The following VIRMA variants were observed in gnomAD, a reference collection of about 807,000 sequenced individuals.
The protein encoded by VIRMA is protein virilizer homolog.
In VIRMA, 65 loss-of-function variants were observed where a neutral mutation model predicts 182.4. That is an observed-to-expected ratio of 0.36 (90% CI 0.29 to 0.44). The LOEUF (loss-of-function observed/expected upper bound fraction) is 0.44, where lower values mean the gene tolerates loss of function less well. Ranked by LOEUF, VIRMA falls within the 20% of genes least tolerant of loss-of-function variation. The probability of loss-of-function intolerance (pLI) is 1.00; values close to 1 mark genes in which losing one functional copy is unlikely to be tolerated. For synonymous variants in VIRMA, 709 were observed against 743.1 expected, an observed-to-expected ratio of 0.95 and a Z score of 0.75; for missense variants, 1,752 against 2,158.1, an observed-to-expected ratio of 0.81 and a Z score of 3.73.
In VIRMA at chr8:94,488,518, C is replaced by T. The variant is rs1586055851; in HGVS notation, c.*188G>A. 7 of 493,524 alleles carry T rather than the reference C, an allele frequency of 1.4e-5. No individual in the cohort carries two copies. The highest frequency in any genetic ancestry group is 1.9e-5 in the African/African-American group (1 of 52,168). 30.6% of individuals were successfully genotyped at this position (493,524 alleles called of 1,614,324 possible). On this transcript the variant is annotated 3_prime_UTR_variant, in exon 24 of 24. Transcript: ENST00000297591. ...ACAAAAAAGGGAAAATATATACAAA[C>T]GTACATACAAAGTTTGGATTTTTAT... is the stretch of plus-strand genomic sequence containing the variant.
chr8:94,515,825 T>A (rs1814540774), intron 10 of VIRMA, among the ~76,000 whole-genome samples: 1 of 151,810 alleles, frequency 6.6e-6, no homozygotes, highest in South Asian at 2.1e-4. Context: ...GGGCTGGGCG[T>A]GGTGACTCAC....
rs1814983643 is a variant in VIRMA at position 94,526,718 on chromosome 8, C to T, written c.1526G>A (p.Ser509Asn). Reference sequence around the variant, plus strand: ...CATTCCTTCTGTCATACTAATGACACTGTCCAAAGCTTTAAAAGCATTTAA... The same window carrying T: ...CATTCCTTCTGTCATACTAATGACATTGTCCAAAGCTTTAAAAGCATTTAA... ...LKLNAFKALD[S>N]VISMTEGMEA... Residue 509 changes from serine (S) to asparagine (N), a missense_variant, in exon 8 of 24, where the codon AGT becomes AAT. Transcript: ENST00000297591. The T allele has an allele frequency of 6.2e-7, 1 of 1,613,822 alleles. No individual in the cohort carries two copies. Among genetic ancestry groups the T allele is most frequent in the Non-Finnish European group, 8.5e-7 (1 of 1,179,996 alleles).
chr8:94,497,224 C>T (rs551615803), intron 17 of VIRMA: 4 of 152,250 alleles, frequency 2.6e-5, no homozygotes, highest in African/African-American at 9.6e-5. Context: ...TCTCATCCTC[C>T]CAAGTACCTG....
intron 5 of VIRMA, chr8:94,534,248 TTA>T (rs1228482791): frequency 6.6e-6 from 1 of 152,166 alleles, no homozygotes; most frequent in Non-Finnish European, 1.5e-5. Flanking sequence ...AAAATGTCAT[TTA>T]TATAAGTATT....
chr8:94,527,165 T>A lies in VIRMA; in HGVS notation c.1079A>T (p.Glu360Val). 1.2e-6 allele frequency: 2 copies of A among 1,614,108 alleles called. No individual in the cohort carries two copies. The highest frequency in any genetic ancestry group is 1.7e-6 in the Non-Finnish European group (2 of 1,180,000). ...ATCCTTCATTCTACTGATTTCAATT[T>A]CAAAAGTAGTCTTGTATGGACAACT... Reference protein sequence around the residue: ...YFSCPYKTTFEIEISRMKDQG... With the variant: ...YFSCPYKTTFVIEISRMKDQG... The change falls in exon 8 of 24, where the codon GAA becomes GTA. Residue 360 changes from glutamate to valine, a missense_variant. By Grantham distance (121) the Glu-to-Val change is moderately radical. Around this residue, in one of 11 missense-constraint regions of VIRMA, gnomAD observed 401 missense variants for 455.1 expected, o/e 0.88. Coordinates refer to ENST00000297591, the MANE Select transcript of VIRMA (RefSeq NM_015496.5).
At chr8:94,525,344 T>A (rs1437976276) in intron 8 of VIRMA, among the ~76,000 whole-genome samples, 1 of 152,216 alleles carries the variant, frequency 6.6e-6, no homozygotes, top group Admixed American at 6.5e-5. Flanking sequence ...TAATAACACT[T>A]CCTTTACTGG....
intron 13 of VIRMA, 54 bp from the exon 14 acceptor site, chr8:94,510,706 G>A (rs962062656): frequency 7.6e-7 from 1 of 1,317,256 alleles, no homozygotes; most frequent in Non-Finnish European, 1.1e-6. Flanking sequence ...TTTATTTATA[G>A]TCACAAAAAC....
At chr8:94,501,361 C>G (rs914846210) in intron 16 of VIRMA, among the ~76,000 whole-genome samples, 10 of 150,826 alleles carry the variant, frequency 6.6e-5, no homozygotes, top group African/African-American at 2.2e-4. Flanking sequence ...ACCATATAAC[C>G]AAACTGAAGG....
In VIRMA at chr8:94,519,129, G is replaced by C. The variant is rs1814665013; in HGVS notation, c.2369C>G (p.Ser790Ter). ...RCTASEETDH[S>*]DLLGTLHNLY... is the part of the protein sequence containing the mutation. Reference sequence around the variant, plus strand: ...ATTGTGCAGGGTTCCCAAGAGATCTGAATGGTCTGTTTCTTCACTGGCTGT... The same window carrying C: ...ATTGTGCAGGGTTCCCAAGAGATCTCAATGGTCTGTTTCTTCACTGGCTGT... The change falls in exon 9 of 24, where the codon TCA becomes TGA. Residue 790 changes from serine (S) to a stop codon, truncating the protein, a stop_gained. Coordinates refer to ENST00000297591, the MANE Select transcript of VIRMA (RefSeq NM_015496.5). LOFTEE classifies it high-confidence loss of function. The C allele has an allele frequency of 6.2e-7, 1 of 1,613,978 alleles. No individual in the cohort carries two copies. Among genetic ancestry groups the C allele is most frequent in the Admixed American group, 1.7e-5 (1 of 59,992 alleles).
intron 16 of VIRMA, among the ~76,000 whole-genome samples, chr8:94,500,771 A>C (rs1813947289): frequency 6.6e-6 from 1 of 151,954 alleles, no homozygotes; most frequent in African/African-American, 2.4e-5. Context: ...AGAGAAATGA[A>C]AACTGAGATT....
Position 94,543,884 on chromosome 8 carries a change from C to T in VIRMA, c.122G>A (p.Arg41Gln). ...FPCVVYINEV[R>Q]VIPPGVRAHS... is the part of the protein sequence containing the mutation. ...GGCTCTTACTCCTGGGGGTATGACT[C>T]GGACTTCATTGATATAAACCACACA... Residue 41 changes from arginine to glutamine, a missense_variant, in exon 2 of 24, where the codon CGA becomes CAA. Arg to Gln is a conservative substitution (Grantham distance 43). This residue lies in a region of VIRMA where 195 missense variants were observed against 191.7 expected (regional missense o/e 1.02). Coordinates refer to ENST00000297591, the MANE Select transcript of VIRMA (RefSeq NM_015496.5). 1.2e-6 allele frequency: 2 copies of T among 1,612,858 alleles called. No individual in the cohort carries two copies. The highest frequency in any genetic ancestry group is 1.7e-6 in the Non-Finnish European group (2 of 1,179,288).
In VIRMA at chr8:94,491,816, T is replaced by A. The variant is rs1813614856; in HGVS notation, c.4902A>T (p.Arg1634=). The A allele has an allele frequency of 6.2e-7, 1 of 1,613,604 alleles. No individual in the cohort carries two copies. Residue 1634 remains arginine (R), a synonymous_variant, in exon 22 of 24, where the codon CGA becomes CGT. Transcript: ENST00000297591. ...TTCTCTGACGAAAAATATCATGAGG[T>A]CGTATACCCTGTCCAAATCCTCCCC... is the stretch of plus-strand genomic sequence containing the variant. ...RGRGGFGQGI[R]PHDIFRQRKQ...
intron 7 of VIRMA, among the ~76,000 whole-genome samples, chr8:94,528,575 T>G (rs573018643): frequency 6.6e-6 from 1 of 152,360 alleles, no homozygotes; most frequent in East Asian, 1.9e-4. Context: ...AAAGCCTAAT[T>G]AAAGGACTGT....
rs551972255 is a variant in VIRMA, at chr8:94,537,256, T to C, written c.267-105A>G. The C allele has an allele frequency of 3.8e-4, 303 of 800,848 alleles. 4 individuals are homozygous for C. The South Asian group carries it at 4.4e-3, about 12-fold the overall frequency. The allele number at this position is 800,848 out of a possible 1,614,324, so 49.6% of individuals were successfully genotyped here. The stretch of plus-strand genomic sequence containing the variant: ...TATTTTAATATAATCAAATGCTAGA[T>C]TTTTGTTTTGATTCAATAAACCACA... On this transcript the variant is annotated intron_variant, in intron 3 of 23. Coordinates refer to ENST00000297591, the MANE Select transcript of VIRMA (RefSeq NM_015496.5).
chr8:94,533,431 A>G (rs1357117984), intron 5 of VIRMA, among the ~76,000 whole-genome samples: 1 of 151,898 alleles, frequency 6.6e-6, no homozygotes, highest in Non-Finnish European at 1.5e-5. Flanking sequence ...CCTTTTATTT[A>G]TTTATTTTGT....
chr8:94,499,192 G>C (rs76475108), intron 17 of VIRMA, 182 bp downstream of exon 17: 25,355 of 404,784 alleles, frequency 0.063, 920 homozygotes, highest in East Asian at 0.076. Flanking sequence ...TTCAAGACAG[G>C]GTCTCACTAT....
chr8:94,494,196 T>G (rs952897023), intron 20 of VIRMA, among the ~76,000 whole-genome samples: 1 of 152,252 alleles, frequency 6.6e-6, no homozygotes, highest in African/African-American at 2.4e-5. Context: ...GGCTCACGCC[T>G]GTAATCCCAT....
chr8:94,547,640 G>A (rs1815816841), intron 1 of VIRMA, among the ~76,000 whole-genome samples: 1 of 150,426 alleles, frequency 6.6e-6, no homozygotes, highest in Non-Finnish European at 1.5e-5. Context: ...TTTTAACCCA[G>A]CACTTCCACA....
At chr8:94,534,699 C>CCCTCTCTCCCCCTCTCTT (rs1419140124) in intron 5 of VIRMA, 140 bp downstream of exon 5, 1 of 900,364 alleles carries the variant, frequency 1.1e-6, no homozygotes, top group Non-Finnish European at 1.7e-6. Context: ...TCTCCTCCCT[C>CCCTCTCTCCCCCTCTCTT]CCTCTCTCCC....
Sources: allele counts gnomAD v4.1 joint callset (sites outside exome capture counted in the v4.1 genomes callset), GRCh38; gene constraint gnomAD v4.1.1; regional missense constraint gnomAD v4.1.1; transcripts MANE v1.5; gene names NCBI Gene and HGNC (gene_info 2026-07-23, HGNC 2026-07-21).